Variants in SH3GL2 observed in about 807,000 individuals in gnomAD.
The protein encoded by SH3GL2 is SH3 domain containing GRB2 like 2, endophilin A1.
Under a neutral mutation model 46.0 loss-of-function variants are expected in SH3GL2, and 24 were observed. The ratio of observed to expected loss-of-function variants is 0.52; its 90% CI spans 0.38 to 0.73. SH3GL2 has a LOEUF of 0.73. Among genes scored for constraint, SH3GL2 ranks in the 30% least tolerant of loss-of-function variants. The pLI, the probability that SH3GL2 is intolerant of heterozygous loss-of-function variation, is 0.00. For missense variants in SH3GL2, 413 were observed against 424.2 expected (o/e 0.97, Z 0.23); for synonymous variants, 196 against 147.1 (o/e 1.33, Z -2.40).
At chr9:17,624,088 TG>T (rs1393713187) in intron 1 of SH3GL2, among the ~76,000 whole-genome samples, 2 of 152,226 alleles carry the variant, frequency 1.3e-5, no homozygotes, top group East Asian at 3.9e-4. Context: ...GACTGCATCC[TG>T]CCCGTTAAAA....
chr9:17,620,573 G>A (rs566114998), intron 1 of SH3GL2, among the ~76,000 whole-genome samples: 4 of 152,336 alleles, frequency 2.6e-5, no homozygotes, highest in African/African-American at 2.4e-5. Flanking sequence ...AGGGCAGACA[G>A]AAGAGGGTTG....
At chr9:17,609,870 A>G (rs919711440) in intron 1 of SH3GL2, among the ~76,000 whole-genome samples, 3 of 152,184 alleles carry the variant, frequency 2.0e-5, no homozygotes, top group African/African-American at 4.8e-5. Context: ...AGCCACAGCA[A>G]GACACACCAC....
At chr9:17,607,094 T>C (rs1333568486) in intron 1 of SH3GL2, among the ~76,000 whole-genome samples, 1 of 152,204 alleles carries the variant, frequency 6.6e-6, no homozygotes, top group East Asian at 1.9e-4. Flanking sequence ...CTTAAAATTA[T>C]GACATACAGT....
At chr9:17,718,819 T>A in intron 1 of SH3GL2, among the ~76,000 whole-genome samples, 1 of 152,098 alleles carries the variant, frequency 6.6e-6, no homozygotes, top group Non-Finnish European at 1.5e-5. Context: ...TTTTAATTAG[T>A]TTCTGGATGA....
chr9:17,630,132 T>C (rs1554632126), intron 1 of SH3GL2, among the ~76,000 whole-genome samples: 1 of 152,190 alleles, frequency 6.6e-6, no homozygotes, highest in Admixed American at 6.5e-5. Flanking sequence ...GTTCTTAGAA[T>C]CTAACATATA....
chr9:17,590,337 G>T (rs889834563), intron 1 of SH3GL2: 1 of 152,110 alleles, frequency 6.6e-6, no homozygotes, highest in African/African-American at 2.4e-5. Flanking sequence ...TTTTCTGGAG[G>T]TGTTCATCAG....
intron 3 of SH3GL2, among the ~76,000 whole-genome samples, chr9:17,775,476 A>G (rs985407280): frequency 6.6e-6 from 1 of 152,330 alleles, no homozygotes; most frequent in East Asian, 1.9e-4. Context: ...TACGCATTAT[A>G]TATGTAGTAG....
intron 1 of SH3GL2, among the ~76,000 whole-genome samples, chr9:17,674,862 G>A (rs149467122): frequency 0.012 from 1,828 of 152,184 alleles, 37 homozygotes; most frequent in Admixed American, 0.014. Flanking sequence ...GTCTTTAGAG[G>A]CCCAGGCCCG....
chr9:17,653,250 T>C (rs59645018), intron 1 of SH3GL2, among the ~76,000 whole-genome samples: 10,470 of 152,216 alleles, frequency 0.069, 581 homozygotes, highest in African/African-American at 0.15. Context: ...TTTTCTTTTC[T>C]ACCTTCCAGT....
Position 17,786,493 on chromosome 9 carries a change from T to C in SH3GL2, c.300T>C (p.Phe100=). ...EALLAEAMLK[F]GRELGDDCNF... ...TGCTGGCAGAGGCCATGCTCAAATTTGGAAGAGAGCTTGGAGATGATTGCA... is the reference window on the plus strand; with the variant it reads ...TGCTGGCAGAGGCCATGCTCAAATTCGGAAGAGAGCTTGGAGATGATTGCA... The change falls in exon 4 of 9, where the codon TTT becomes TTC. Residue 100 remains phenylalanine (F), a synonymous_variant. Coordinates refer to ENST00000380607, the MANE Select transcript of SH3GL2 (RefSeq NM_003026.5). The C allele has an allele frequency of 6.2e-7, 1 of 1,613,432 alleles. No individual in the cohort carries two copies. The highest frequency in any genetic ancestry group is 8.5e-7 in the Non-Finnish European group (1 of 1,179,634).
intron 1 of SH3GL2, among the ~76,000 whole-genome samples, chr9:17,633,249 G>A (rs924219765): frequency 6.6e-6 from 1 of 152,148 alleles, no homozygotes; most frequent in African/African-American, 2.4e-5. Context: ...TGATGAGTGT[G>A]GGTACCTGCC....
At chr9:17,695,798 T>G (rs994087179) in intron 1 of SH3GL2, among the ~76,000 whole-genome samples, 3 of 152,028 alleles carry the variant, frequency 2.0e-5, no homozygotes, top group Admixed American at 6.6e-5. Context: ...ATGGAAACAT[T>G]GTGAAAAAAA....
At chr9:17,722,512 C>A (rs924679844) in intron 1 of SH3GL2, among the ~76,000 whole-genome samples, 4 of 151,430 alleles carry the variant, frequency 2.6e-5, no homozygotes, top group Non-Finnish European at 5.9e-5. Context: ...ATTTTTTTTT[C>A]TTATTTTTTT....
chr9:17,684,873 T>C (rs1282300986), intron 1 of SH3GL2, among the ~76,000 whole-genome samples: 1 of 152,136 alleles, frequency 6.6e-6, no homozygotes, highest in Non-Finnish European at 1.5e-5. Context: ...AGTGATCTTA[T>C]TACTCTTCAT....
intron 1 of SH3GL2, among the ~76,000 whole-genome samples, chr9:17,669,411 A>G (rs1472455916): frequency 2.6e-5 from 4 of 152,198 alleles, no homozygotes; most frequent in African/African-American, 4.8e-5. Flanking sequence ...TTGCTCTTTT[A>G]TAACCGTACC....
intron 1 of SH3GL2, among the ~76,000 whole-genome samples, chr9:17,708,710 G>C (rs926441103): frequency 1.3e-5 from 2 of 151,946 alleles, no homozygotes; most frequent in Non-Finnish European, 2.9e-5. Flanking sequence ...TTATGTGAAA[G>C]CAGTCCACTT....
chr9:17,684,996 TTGTC>T (rs1290778022), intron 1 of SH3GL2, among the ~76,000 whole-genome samples: 2 of 152,134 alleles, frequency 1.3e-5, no homozygotes, highest in African/African-American at 4.8e-5. Context: ...ATTTATGAAT[TTGTC>T]TGTGATGTTT....
At chr9:17,646,821 G>A (rs1323084665) in intron 1 of SH3GL2, among the ~76,000 whole-genome samples, 2 of 152,216 alleles carry the variant, frequency 1.3e-5, no homozygotes, top group African/African-American at 4.8e-5. Flanking sequence ...CCCCTGCTGG[G>A]AGATGTCTCC....
In SH3GL2 at chr9:17,662,483, C is replaced by G. The variant is rs74791356; in HGVS notation, c.45+83196C>G. ...AGAAATACTATCATGCCTTTGGCCTCGTTGTTATTATTGAGCAACCTTGCA... is the reference window on the plus strand; with the variant it reads ...AGAAATACTATCATGCCTTTGGCCTGGTTGTTATTATTGAGCAACCTTGCA... On this transcript the variant is annotated intron_variant, in intron 1 of 8. Coordinates refer to ENST00000380607, the MANE Select transcript of SH3GL2 (RefSeq NM_003026.5). 2.6e-5 allele frequency among the ~76,000 whole-genome samples: 4 copies of G among 152,074 alleles called. No homozygotes were observed. In the East Asian group the frequency reaches 7.7e-4, roughly 29 times the overall value.
Sources: allele counts gnomAD v4.1 joint callset (sites outside exome capture counted in the v4.1 genomes callset), GRCh38; gene constraint gnomAD v4.1.1; transcripts MANE v1.5; gene names NCBI Gene and HGNC (gene_info 2026-07-23, HGNC 2026-07-21).